The following DNAH5 variants were observed in gnomAD, a reference collection of about 807,000 sequenced individuals.
The protein encoded by DNAH5 is axonemal beta dynein heavy chain 5.
Under a neutral mutation model 518.2 loss-of-function variants are expected in DNAH5, and 372 were observed. That is an observed-to-expected ratio of 0.72 (90% CI 0.66 to 0.78). The LOEUF (loss-of-function observed/expected upper bound fraction) is 0.78, where lower values mean the gene tolerates loss of function less well. DNAH5 is among the 30% of genes least tolerant of loss of function. The probability of loss-of-function intolerance (pLI) is 0.00; values close to 1 mark genes in which losing one functional copy is unlikely to be tolerated. For synonymous variants in DNAH5, 2,039 were observed against 2,025.9 expected (o/e 1.01, Z -0.17); for missense variants, 5,523 against 5,687.0 (o/e 0.97, Z 0.93).
rs1159730303 is a variant in DNAH5, at chr5:13,770,969, A to C, written c.9385T>G (p.Phe3129Val). Residue 3129 changes from phenylalanine (F) to valine (V), a missense_variant, in exon 56 of 79, where the codon TTC becomes GTC. By Grantham distance (50) the Phe-to-Val change is conservative. Coordinates refer to ENST00000265104, the MANE Select transcript of DNAH5 (RefSeq NM_001369.3). ...CAGTCAATATCATAGGAAGTGAGGAAGTGTTCAGACACTAGAGAGAATAAA... is the reference window on the plus strand; with the variant it reads ...CAGTCAATATCATAGGAAGTGAGGACGTGTTCAGACACTAGAGAGAATAAA... The part of the protein sequence containing the change: ...KDALVAVSEH[F>V]LTSYDIDCSL... 2.5e-6 allele frequency: 4 copies of C among 1,612,816 alleles called. No individual in the cohort carries two copies. Among genetic ancestry groups the C allele is most frequent in the Non-Finnish European group, 2.5e-6 (3 of 1,178,880 alleles).
Position 13,721,099 on chromosome 5 carries a change from A to G in DNAH5, c.12180T>C (p.Ile4060=). ...SMGSDPTDSI[I]ALGKRLKIET... ...CTATTTTTAATCTCTTCCCCAAGGC[A>G]ATGATGGAATCTGTGGGGTCTGAGC... The change falls in exon 71 of 79, where the codon ATT becomes ATC. Residue 4060 remains isoleucine, a synonymous_variant. Coordinates refer to ENST00000265104, the MANE Select transcript of DNAH5 (RefSeq NM_001369.3). The G allele has an allele frequency of 6.2e-7, 1 of 1,614,126 alleles. No individual in the cohort carries two copies. Among genetic ancestry groups the G allele is most frequent in the East Asian group, 2.2e-5 (1 of 44,874 alleles).
At chr5:13,842,441 A>AGAGAGAGAGAGAGAGAG (rs1765349629) in intron 32 of DNAH5, among the ~76,000 whole-genome samples, 7 of 102,148 alleles carry the variant, frequency 6.9e-5, no homozygotes, top group African/African-American at 3.0e-4. Context: ...GAAAGAAAGA[A>AGAGAGAGAGAGAGAGAG]AGAAAGAAAG....
At chr5:13,717,039 C>A (rs1445184150) in intron 73 of DNAH5, among the ~76,000 whole-genome samples, 1 of 152,118 alleles carries the variant, frequency 6.6e-6, no homozygotes, top group African/African-American at 2.4e-5. Flanking sequence ...TTTTGAAGAA[C>A]AAGCTTCCCC....
At chr5:13,944,935 T>C (rs1358525854), upstream of DNAH5, among the ~76,000 whole-genome samples, 2 of 152,226 alleles carry the variant, frequency 1.3e-5, no homozygotes, top group East Asian at 3.8e-4. Flanking sequence ...ATATTGTCCA[T>C]GTCGAGAAAC....
Position 13,740,900 on chromosome 5 carries a change from C to T in DNAH5, c.11212-3405G>A, listed in dbSNP as rs143604774. 2.8e-4 allele frequency among the ~76,000 whole-genome samples: 42 copies of T among 152,278 alleles called. No individual in the cohort carries two copies. In the East Asian group the frequency reaches 6.9e-3, roughly 25 times the overall value. ...GCATTTACCACCTTCTAACATAATACATAAATTATTTATATGTTATGCTCC... is the reference window on the plus strand; with the variant it reads ...GCATTTACCACCTTCTAACATAATATATAAATTATTTATATGTTATGCTCC... On this transcript the variant is annotated intron_variant, in intron 65 of 78. Coordinates refer to ENST00000265104, the MANE Select transcript of DNAH5 (RefSeq NM_001369.3).
At chr5:13,749,187 AGGT>A (rs1417145371) in intron 65 of DNAH5, among the ~76,000 whole-genome samples, 11 of 152,112 alleles carry the variant, frequency 7.2e-5, no homozygotes, top group African/African-American at 2.4e-4. Context: ...AAATAAATAA[AGGT>A]TAGGCGTTAT....
At chr5:13,756,990 G>T (rs1163668655) in intron 61 of DNAH5, among the ~76,000 whole-genome samples, 1 of 152,162 alleles carries the variant, frequency 6.6e-6, no homozygotes, top group African/African-American at 2.4e-5. Context: ...AGTTTGCTAA[G>T]GATAATGGCC....
Position 13,811,678 on chromosome 5 carries a change from A to T in DNAH5, c.7376T>A (p.Ile2459Asn). Residue 2459 changes from isoleucine to asparagine, a missense_variant, in exon 44 of 79, where the codon ATT (isoleucine) becomes AAT (asparagine). Around this residue, in one of 3 missense-constraint regions of DNAH5, gnomAD observed 5,121 missense variants for 5,223.3 expected, o/e 0.98. Transcript: ENST00000265104. Reference sequence around the variant, plus strand: ...AGGAATCAGGCCTTGAAGCATGTTAATGCTCTGTGTGATGACAAAGGCCTC... The same window carrying T: ...AGGAATCAGGCCTTGAAGCATGTTATTGCTCTGTGTGATGACAAAGGCCTC... ...VLEAFVITQS[I>N]NMLQGLIPLK... 1.2e-6 allele frequency: 2 copies of T among 1,614,186 alleles called. No individual in the cohort carries two copies. Among genetic ancestry groups the T allele is most frequent in the Non-Finnish European group, 1.7e-6 (2 of 1,180,026 alleles).
intron 76 of DNAH5, among the ~76,000 whole-genome samples, chr5:13,705,254 A>G (rs1330049145): frequency 6.6e-6 from 1 of 152,142 alleles, no homozygotes; most frequent in Non-Finnish European, 1.5e-5. Flanking sequence ...TTGGCCTCCC[A>G]AAGTGCTGGA....
rs116706066 is a variant in DNAH5 at position 13,805,921 on chromosome 5, C to T, written c.7887+1670G>A. 5.3e-5 allele frequency among the ~76,000 whole-genome samples: 8 copies of T among 152,034 alleles called. No individual in the cohort carries two copies. In the South Asian group the frequency reaches 1.0e-3, roughly 20 times the overall value. The stretch of plus-strand genomic sequence containing the variant: ...GAGTGAGGGCAGTCTTGTGGGGACT[C>T]GGCCCTTAACTTCTGAAGTCTGCAT... On this transcript the variant is annotated intron_variant, in intron 47 of 78. Transcript: ENST00000265104.
intron 52 of DNAH5, among the ~76,000 whole-genome samples, chr5:13,781,663 T>C (rs1169170621): frequency 1.3e-5 from 2 of 152,094 alleles, no homozygotes; most frequent in Non-Finnish European, 2.9e-5. Context: ...GCCGCCGCCA[T>C]GTAAGAAGTG....
At chr5:13,927,526 A>G (rs1276360094) in intron 3 of DNAH5, among the ~76,000 whole-genome samples, 1 of 152,066 alleles carries the variant, frequency 6.6e-6, no homozygotes, top group Non-Finnish European at 1.5e-5. Context: ...ATAATAATAA[A>G]TAACAACAAC....
chr5:13,883,170 A>G, intron 19 of DNAH5, 76 bp from the exon 20 acceptor site: 1 of 1,441,668 alleles, frequency 6.9e-7, no homozygotes. Flanking sequence ...AACCATAAAA[A>G]TTAAAACAAT....
intron 55 of DNAH5, among the ~76,000 whole-genome samples, chr5:13,772,175 T>C (rs891400486): frequency 6.6e-6 from 1 of 152,202 alleles, no homozygotes; most frequent in African/African-American, 2.4e-5. Flanking sequence ...TTAACCACAA[T>C]GGCTGCGATG....
intron 34 of DNAH5, 35 bp from the exon 35 acceptor site, chr5:13,839,563 G>A (rs754481360): frequency 6.5e-7 from 1 of 1,546,452 alleles, no homozygotes. Flanking sequence ...GAGCTCTGAT[G>A]AGAATCACTC....
chr5:13,920,279 C>T (rs1354276705), intron 6 of DNAH5, among the ~76,000 whole-genome samples: 1 of 152,196 alleles, frequency 6.6e-6, no homozygotes, highest in Non-Finnish European at 1.5e-5. Context: ...TATATGCAGC[C>T]ATTTTCTTTC....
chr5:13,735,977 A>G, intron 66 of DNAH5, 45 bp from the exon 67 acceptor site: 1 of 1,468,620 alleles, frequency 6.8e-7, no homozygotes, highest in Non-Finnish European at 9.5e-7. Context: ...AGAGAGGAAA[A>G]TAAATGATCC....
intron 76 of DNAH5, among the ~76,000 whole-genome samples, chr5:13,702,769 C>A (rs1033832070): frequency 1.6e-4 from 24 of 152,168 alleles, no homozygotes; most frequent in Non-Finnish European, 2.9e-5. Context: ...ATGGAGAAGA[C>A]AAGAAGCAGC....
chr5:13,736,271 C>A (rs1323324253), intron 66 of DNAH5, among the ~76,000 whole-genome samples: 1 of 152,146 alleles, frequency 6.6e-6, no homozygotes, highest in African/African-American at 2.4e-5. Flanking sequence ...AGCGAGGTAG[C>A]CATTAGGGAC....
Sources: allele counts gnomAD v4.1 joint callset (sites outside exome capture counted in the v4.1 genomes callset), GRCh38; gene constraint gnomAD v4.1.1; regional missense constraint gnomAD v4.1.1; transcripts MANE v1.5; gene names NCBI Gene and HGNC (gene_info 2026-07-23, HGNC 2026-07-21).